The following DKK2 variants were observed in gnomAD, a reference collection of about 807,000 sequenced individuals.
DKK2 encodes dickkopf Wnt signaling pathway inhibitor 2.
A neutral mutation model predicts 28.1 loss-of-function variants in DKK2; 11 were observed. That is an observed-to-expected ratio of 0.39 (90% CI 0.25 to 0.65). The LOEUF (loss-of-function observed/expected upper bound fraction) is 0.65. Ranked by LOEUF, DKK2 falls within the 30% of genes least tolerant of loss-of-function variation. The probability of loss-of-function intolerance (pLI) is 0.47; values close to 1 mark genes in which losing one functional copy is unlikely to be tolerated. For synonymous variants in DKK2, 135 were observed against 126.5 expected (o/e 1.07, Z -0.45); for missense variants, 326 against 335.5 (o/e 0.97, Z 0.22).
intron 1 of DKK2, among the ~76,000 whole-genome samples, chr4:106,930,126 T>C (rs779794870): frequency 1.3e-5 from 2 of 152,332 alleles, no homozygotes; most frequent in Non-Finnish European, 2.9e-5. Flanking sequence ...GTGAACAGTA[T>C]TTTCTCATTC....
intron 1 of DKK2, among the ~76,000 whole-genome samples, chr4:106,972,925 T>C (rs1722889615): frequency 2.0e-5 from 3 of 152,224 alleles, no homozygotes; most frequent in South Asian, 4.1e-4. Flanking sequence ...GTGAGTGATG[T>C]TCCCTTCTCT....
At chr4:106,967,426 T>A (rs1165266791) in intron 1 of DKK2, among the ~76,000 whole-genome samples, 1 of 151,888 alleles carries the variant, frequency 6.6e-6, no homozygotes, top group East Asian at 2.0e-4. Context: ...TACCAGAAAG[T>A]GAAAAGGCCT....
At chr4:107,016,140 G>A (rs759074335) in intron 1 of DKK2, among the ~76,000 whole-genome samples, 2 of 151,916 alleles carry the variant, frequency 1.3e-5, no homozygotes, top group East Asian at 1.9e-4. Context: ...GGGCTAAGTC[G>A]CCATCTTACC....
chr4:106,932,225 G>A (rs942308931), intron 1 of DKK2, among the ~76,000 whole-genome samples: 3 of 152,140 alleles, frequency 2.0e-5, no homozygotes, highest in Non-Finnish European at 4.4e-5. Context: ...AGAGATGAAA[G>A]AGTATCTCCT....
intron 1 of DKK2, among the ~76,000 whole-genome samples, chr4:106,988,682 A>G (rs1723160362): frequency 6.6e-6 from 1 of 152,230 alleles, no homozygotes; most frequent in Non-Finnish European, 1.5e-5. Flanking sequence ...ACATGTGTGT[A>G]AACATCGTTT....
chr4:107,007,543 G>T (rs1723455084), intron 1 of DKK2, among the ~76,000 whole-genome samples: 1 of 151,922 alleles, frequency 6.6e-6, no homozygotes, highest in Non-Finnish European at 1.5e-5. Context: ...AAATATTTTG[G>T]GTGTGATGGT....
intron 1 of DKK2, among the ~76,000 whole-genome samples, chr4:106,946,304 CTT>C (rs1578352524): frequency 1.3e-5 from 2 of 151,624 alleles, no homozygotes; most frequent in African/African-American, 4.8e-5. Flanking sequence ...TTAAAATATC[CTT>C]TCTCTTAAAG....
chr4:107,000,567 A>G (rs751967293), intron 1 of DKK2, among the ~76,000 whole-genome samples: 3 of 152,152 alleles, frequency 2.0e-5, no homozygotes, highest in Non-Finnish European at 2.9e-5. Context: ...GGTCTGTTAT[A>G]TACTAATCAT....
chr4:106,963,182 G>A (rs542389172), intron 1 of DKK2, among the ~76,000 whole-genome samples: 9 of 151,914 alleles, frequency 5.9e-5, no homozygotes, highest in African/African-American at 1.9e-4. Flanking sequence ...GTGAAAACCC[G>A]TCTCTACTAA....
chr4:106,952,728 A>G (rs769833560), intron 1 of DKK2, among the ~76,000 whole-genome samples: 18 of 152,186 alleles, frequency 1.2e-4, no homozygotes, highest in Admixed American at 2.6e-4. Context: ...TTTACTGTAT[A>G]GAAATAAAAA....
chr4:107,018,212 A>G (rs1723638057), intron 1 of DKK2, among the ~76,000 whole-genome samples: 1 of 152,086 alleles, frequency 6.6e-6, no homozygotes, highest in Non-Finnish European at 1.5e-5. Flanking sequence ...TAGCATAGCC[A>G]AGTCATACTT....
intron 1 of DKK2, among the ~76,000 whole-genome samples, chr4:106,960,961 C>T (rs1466913690): frequency 4.6e-5 from 7 of 152,078 alleles, no homozygotes; most frequent in Admixed American, 4.6e-4. Flanking sequence ...TATATTGTCA[C>T]TGTATATTTA....
chr4:106,961,565 G>GCGCGCACACACACA (rs1376025998), intron 1 of DKK2, among the ~76,000 whole-genome samples: 7 of 136,242 alleles, frequency 5.1e-5, no homozygotes, highest in Admixed American at 2.2e-4. Flanking sequence ...CCAACAGCCT[G>GCGCGCACACACACA]CACACACACA....
chr4:106,949,899 A>G (rs1291255274), intron 1 of DKK2, among the ~76,000 whole-genome samples: 1 of 152,196 alleles, frequency 6.6e-6, no homozygotes, highest in Non-Finnish European at 1.5e-5. Flanking sequence ...AATAGCATCA[A>G]CACTGTTAAC....
At chr4:107,008,783 T>A (rs6858607) in intron 1 of DKK2, among the ~76,000 whole-genome samples, 164 of 152,062 alleles carry the variant, frequency 1.1e-3, no homozygotes, top group African/African-American at 3.8e-3. Flanking sequence ...TGTTTCCAAG[T>A]TTTTACTGTT....
chr4:106,946,398 A>C (rs980662250), intron 1 of DKK2, among the ~76,000 whole-genome samples: 8 of 152,142 alleles, frequency 5.3e-5, no homozygotes, highest in African/African-American at 1.9e-4. Flanking sequence ...ATGAGTTGAA[A>C]GTGTAGATGA....
At chr4:106,966,167 C>A (rs1033992041) in intron 1 of DKK2, among the ~76,000 whole-genome samples, 8 of 152,124 alleles carry the variant, frequency 5.3e-5, no homozygotes, top group Non-Finnish European at 1.0e-4. Flanking sequence ...TTAACTTAGG[C>A]TTGGACGCTT....
chr4:106,992,763 G>A (rs1054110979), intron 1 of DKK2, among the ~76,000 whole-genome samples: 1 of 152,128 alleles, frequency 6.6e-6, no homozygotes, highest in South Asian at 2.1e-4. Flanking sequence ...GTGTAGCAGA[G>A]GGAGATTTCT....
At chr4:106,934,436 T>G (rs1578347181) in intron 1 of DKK2, among the ~76,000 whole-genome samples, 1 of 152,286 alleles carries the variant, frequency 6.6e-6, no homozygotes, top group African/African-American at 2.4e-5. Context: ...GAAGTTTCTT[T>G]ATTAAAAATT....
Sources: allele counts gnomAD v4.1 joint callset (sites outside exome capture counted in the v4.1 genomes callset), GRCh38; gene constraint gnomAD v4.1.1; transcripts MANE v1.5; gene names NCBI Gene and HGNC (gene_info 2026-07-23, HGNC 2026-07-21).